INPP5D: variants seen among roughly 807,000 people sequenced by gnomAD.
The protein encoded by INPP5D is phosphatidylinositol 3,4,5-trisphosphate 5-phosphatase 1.
In INPP5D, 33 loss-of-function variants were observed where a neutral mutation model predicts 122.9. That is an observed-to-expected ratio of 0.27 (90% CI 0.20 to 0.36). The LOEUF (loss-of-function observed/expected upper bound fraction) is 0.36, where lower values mean the gene tolerates loss of function less well. Ranked by LOEUF, INPP5D falls within the 10% of genes least tolerant of loss-of-function variation. INPP5D has a pLI of 1.00. For missense variants in INPP5D, 1,053 were observed against 1,412.7 expected, an observed-to-expected ratio of 0.75 and a Z score of 4.08; for synonymous variants, 584 against 576.2, an observed-to-expected ratio of 1.01 and a Z score of -0.19.
intron 9 of INPP5D, among the ~76,000 whole-genome samples, chr2:233,153,957 G>T (rs1330600350): frequency 2.0e-5 from 3 of 152,174 alleles, no homozygotes; most frequent in Non-Finnish European, 2.9e-5. Flanking sequence ...CAGCCCAGGG[G>T]CAAAGATGGA....
chr2:233,084,345 A>G (rs969885111), intron 2 of INPP5D, among the ~76,000 whole-genome samples: 3 of 152,206 alleles, frequency 2.0e-5, no homozygotes, highest in African/African-American at 7.2e-5. Flanking sequence ...GTGAGCCACC[A>G]TGCCCAGCCA....
At chr2:233,165,094 TGTGTG>T (rs1694293440) in intron 13 of INPP5D, among the ~76,000 whole-genome samples, 1 of 152,084 alleles carries the variant, frequency 6.6e-6, no homozygotes. Flanking sequence ...GTGTAGGATG[TGTGTG>T]TGAGTAGGTC....
intron 10 of INPP5D, among the ~76,000 whole-genome samples, chr2:233,159,191 G>A (rs1694133862): frequency 6.6e-6 from 1 of 152,230 alleles, no homozygotes; most frequent in South Asian, 2.1e-4. Flanking sequence ...GGTAAGAGGT[G>A]CTGTGGGCCA....
At chr2:233,145,351 C>G in intron 6 of INPP5D, 1 of 456,126 alleles carries the variant, frequency 2.2e-6, no homozygotes, top group Non-Finnish European at 4.4e-6. Flanking sequence ...GTTGGCCAGA[C>G]ACTGTTCTGA....
intron 2 of INPP5D, among the ~76,000 whole-genome samples, chr2:233,112,664 T>G (rs1280892781): frequency 6.6e-6 from 1 of 152,130 alleles, no homozygotes; most frequent in Non-Finnish European, 1.5e-5. Context: ...TGCACCTGTA[T>G]TTATCTATAT....
chr2:233,094,095 T>TC (rs375147718), intron 2 of INPP5D, among the ~76,000 whole-genome samples: 181 of 143,868 alleles, frequency 1.3e-3, no homozygotes, highest in African/African-American at 4.1e-3. Flanking sequence ...ATACACCCCC[T>TC]CCCCCCCCAA....
intron 5 of INPP5D, among the ~76,000 whole-genome samples, chr2:233,131,979 G>A (rs1255565964): frequency 6.6e-6 from 1 of 152,146 alleles, no homozygotes; most frequent in East Asian, 1.9e-4. Context: ...TAATTTCTTT[G>A]ACAAATCAAG....
At position 233,186,957 on chromosome 2, in the gene INPP5D, G is replaced by A. The variant is rs895224632; in HGVS notation, c.2358+1032G>A. ...CGCTGGTTTCAACTCCTGACCTCAA[G>A]TGATCCACTGGTCTCGGCCTCCCAA... is the stretch of plus-strand genomic sequence containing the variant. On this transcript the variant is annotated intron_variant, in intron 21 of 26. Transcript: ENST00000445964. 3.3e-5 allele frequency among the ~76,000 whole-genome samples: 5 copies of A among 151,666 alleles called. No individual in the cohort carries two copies. The East Asian group carries it at 7.7e-4, about 23-fold the overall frequency.
At position 233,198,262 on chromosome 2, in the gene INPP5D, G is replaced by A; in HGVS notation, c.2861G>A (p.Gly954Glu). Residue 954 changes from glycine to glutamate, a missense_variant, in exon 25 of 27, where the codon GGG (glycine) becomes GAG (glutamate). This residue lies in a region of INPP5D where 417 missense variants were observed against 425.8 expected (regional missense o/e 0.98). Transcript: ENST00000445964. ...YDQPPKDSPL[G>E]PCRGESPPTP... is the part of the protein sequence containing the mutation. ...CAGCCGCCCAAGGACTCCCCGCTGGGGCCCTGCAGGGGAGAAAGTCCTCCG... is the reference window on the plus strand; with the variant it reads ...CAGCCGCCCAAGGACTCCCCGCTGGAGCCCTGCAGGGGAGAAAGTCCTCCG... The A allele has an allele frequency of 6.2e-7, 1 of 1,613,456 alleles. No individual in the cohort carries two copies. Among genetic ancestry groups the A allele is most frequent in the Non-Finnish European group, 8.5e-7 (1 of 1,179,854 alleles).
At chr2:233,122,499 C>G (rs1323556656) in intron 3 of INPP5D, among the ~76,000 whole-genome samples, 1 of 152,210 alleles carries the variant, frequency 6.6e-6, no homozygotes, top group Non-Finnish European at 1.5e-5. Flanking sequence ...ACAGACTTCT[C>G]TTTAAAGAGA....
At chr2:233,087,571 C>T (rs753378880) in intron 2 of INPP5D, among the ~76,000 whole-genome samples, 14 of 152,056 alleles carry the variant, frequency 9.2e-5, no homozygotes, top group South Asian at 6.2e-4. Flanking sequence ...GTGATCTGCC[C>T]GCCTCAGCCT....
At chr2:233,139,073 A>G (rs1693578683) in intron 5 of INPP5D, among the ~76,000 whole-genome samples, 1 of 152,136 alleles carries the variant, frequency 6.6e-6, no homozygotes, top group Non-Finnish European at 1.5e-5. Context: ...CTTTATTCAT[A>G]TAACAAAGAT....
At chr2:233,159,194 G>A (rs978075931) in intron 10 of INPP5D, among the ~76,000 whole-genome samples, 2 of 152,208 alleles carry the variant, frequency 1.3e-5, no homozygotes, top group Admixed American at 6.5e-5. Flanking sequence ...AAGAGGTGCT[G>A]TGGGCCACTG....
chr2:233,170,005 GC>G lies in INPP5D; in HGVS notation c.1653-19del, dbSNP rs780021622. The G allele has an allele frequency of 6.2e-7, 1 of 1,613,976 alleles. No homozygotes were observed. Among genetic ancestry groups the G allele is most frequent in the Non-Finnish European group, 8.5e-7 (1 of 1,179,848 alleles). The stretch of plus-strand genomic sequence containing the variant: ...GGAACCAGTGACCCCGTGCTAGATG[GC>G]CGCTTTTTCCTTGCATTAGGCGAAA... On this transcript the variant is annotated intron_variant, in intron 14 of 26. Transcript: ENST00000445964. The surrounding 1 kb of genome is among the most constrained non-coding windows in gnomAD (Gnocchi z 4.5).
chr2:233,146,342 C>G (rs988504712), intron 7 of INPP5D, 25 bp from the exon 8 acceptor site: 15 of 704,180 alleles, frequency 2.1e-5, no homozygotes, highest in Non-Finnish European at 3.4e-5. Flanking sequence ...CCTTGACCCT[C>G]TGTCTCTAAC....
chr2:233,145,622 A>C (rs1693738542), intron 6 of INPP5D, among the ~76,000 whole-genome samples: 2 of 151,296 alleles, frequency 1.3e-5, no homozygotes, highest in South Asian at 4.2e-4. Flanking sequence ...GAGTCTCTGG[A>C]GATTCCTCAG....
chr2:233,158,507 C>T, intron 10 of INPP5D, 88 bp downstream of exon 10: 2 of 591,704 alleles, frequency 3.4e-6, no homozygotes, highest in South Asian at 4.1e-5. Flanking sequence ...GGGAGTGTAT[C>T]ATTAGCTCAC....
chr2:233,185,764 G>T (rs926651909), intron 20 of INPP5D, 79 bp from the exon 21 acceptor site: 2 of 1,378,868 alleles, frequency 1.5e-6, no homozygotes, highest in Non-Finnish European at 9.5e-7. Flanking sequence ...CCTAGGTCTG[G>T]GTGGGGTGAC....
intron 10 of INPP5D, among the ~76,000 whole-genome samples, chr2:233,159,850 C>T (rs373010961): frequency 1.5e-4 from 23 of 152,070 alleles, no homozygotes; most frequent in African/African-American, 2.4e-4. Context: ...GCCCAGTCTC[C>T]GCTCCTACTT....
Sources: gnomAD v4.1 joint callset for allele counts (sites outside exome capture counted in the v4.1 genomes callset) on GRCh38, gnomAD v4.1.1 for gene constraint, gnomAD v4.1.1 regional missense constraint, Gnocchi (gnomAD v3.1) non-coding constraint, MANE v1.5 for transcripts, NCBI Gene and HGNC (gene_info 2026-07-23, HGNC 2026-07-21) for gene names.